Variants in PLCG2 observed in about 807,000 individuals in gnomAD.
PLCG2 encodes the protein phospholipase C gamma 2, also known as 1-phosphatidylinositol 4,5-bisphosphate phosphodiesterase gamma-2.
PLCG2 carries 69 observed loss-of-function variants against 175.6 expected under a neutral mutation model. That is an observed-to-expected ratio of 0.39 (90% CI 0.32 to 0.48). The LOEUF is 0.48. Ranked by LOEUF, PLCG2 falls within the 20% of genes least tolerant of loss-of-function variation. PLCG2 has a pLI of 0.91. For missense variants in PLCG2, 1,798 were observed against 1,650.9 expected (o/e 1.09, Z -1.54); for synonymous variants, 827 against 624.0 (o/e 1.33, Z -4.85).
At chr16:81,929,904 A>G (rs751102928) in intron 24 of PLCG2, among the ~76,000 whole-genome samples, 9 of 152,222 alleles carry the variant, frequency 5.9e-5, no homozygotes, top group African/African-American at 1.2e-4. Context: ...CCATCCCTGT[A>G]TCTGCAGAGC....
chr16:81,824,511 G>C (rs1360436477), intron 2 of PLCG2, among the ~76,000 whole-genome samples: 1 of 152,234 alleles, frequency 6.6e-6, no homozygotes, highest in Non-Finnish European at 1.5e-5. Flanking sequence ...TCCAGCTTTT[G>C]TGGAGCCAGG....
At chr16:81,859,334 C>G (rs1162441574) in intron 5 of PLCG2, 171 bp downstream of exon 5, 1 of 563,640 alleles carries the variant, frequency 1.8e-6, no homozygotes. Context: ...CAAAATCCTC[C>G]TCCTGGAGGG....
At chr16:81,753,115 G>C (rs912914277) in intron 1 of PLCG2, among the ~76,000 whole-genome samples, 6 of 152,312 alleles carry the variant, frequency 3.9e-5, no homozygotes, top group Admixed American at 2.0e-4. Flanking sequence ...GCCAGTGGCA[G>C]CTCAGCTCTG....
At chr16:81,941,054 T>TA (rs762443810) in intron 30 of PLCG2, among the ~76,000 whole-genome samples, 1 of 152,190 alleles carries the variant, frequency 6.6e-6, no homozygotes, top group Admixed American at 6.5e-5. Flanking sequence ...GTTACTTACA[T>TA]AAAAAAATAC....
At chr16:81,816,204 C>G (rs576782741) in intron 2 of PLCG2, among the ~76,000 whole-genome samples, 4 of 152,184 alleles carry the variant, frequency 2.6e-5, no homozygotes, top group East Asian at 1.9e-4. Context: ...AACTCTGCCT[C>G]TACTAAAAAT....
intron 3 of PLCG2, among the ~76,000 whole-genome samples, chr16:81,855,643 A>T (rs1284149922): frequency 6.6e-6 from 1 of 152,178 alleles, no homozygotes; most frequent in African/African-American, 2.4e-5. Context: ...GGGGAGACAG[A>T]TGTGTGTACT....
At chr16:81,765,676 G>T (rs544202150) in intron 2 of PLCG2, among the ~76,000 whole-genome samples, 2 of 50,656 alleles carry the variant, frequency 3.9e-5, no homozygotes, top group African/African-American at 8.2e-5. Context: ...TTTTGACCCC[G>T]GGGTCTCAGA....
chr16:81,863,605 A>G (rs1258340503), intron 5 of PLCG2, among the ~76,000 whole-genome samples: 1 of 152,164 alleles, frequency 6.6e-6, no homozygotes, highest in Non-Finnish European at 1.5e-5. Context: ...TGCTGTGTAT[A>G]TATCCAGAAG....
chr16:81,814,586 T>A (rs566861844), intron 2 of PLCG2, among the ~76,000 whole-genome samples: 1 of 152,140 alleles, frequency 6.6e-6, no homozygotes, highest in African/African-American at 2.4e-5. Context: ...TCCTAGCTAC[T>A]CGGGAGGCTG....
chr16:81,779,461 C>A (rs1910630035), intron 1 of PLCG2, 37 bp downstream of exon 1: 1 of 151,518 alleles, frequency 6.6e-6, no homozygotes, highest in Non-Finnish European at 1.5e-5. Context: ...AGGCAGGGCG[C>A]CCAGGGACCT....
intron 2 of PLCG2, among the ~76,000 whole-genome samples, chr16:81,810,595 G>C (rs1221032343): frequency 6.6e-6 from 1 of 151,254 alleles, no homozygotes; most frequent in Non-Finnish European, 1.5e-5. Context: ...TTTGCAAACA[G>C]GTGTCCTTTC....
intron 3 of PLCG2, among the ~76,000 whole-genome samples, chr16:81,855,117 C>G (rs573290747): frequency 4.8e-5 from 7 of 145,586 alleles, no homozygotes; most frequent in Non-Finnish European, 1.0e-4. Flanking sequence ...GGCTGAGGCA[C>G]AAGAATTGCT....
chr16:81,860,512 C>A (rs1045260176), intron 5 of PLCG2, among the ~76,000 whole-genome samples: 7 of 152,106 alleles, frequency 4.6e-5, no homozygotes, highest in African/African-American at 1.7e-4. Flanking sequence ...AGAGGGCACC[C>A]TTTCCTGATG....
chr16:81,893,443 A>G (rs922946317), intron 11 of PLCG2, among the ~76,000 whole-genome samples: 1 of 152,176 alleles, frequency 6.6e-6, no homozygotes, highest in Non-Finnish European at 1.5e-5. Flanking sequence ...TCCTCAAAAG[A>G]ACACGTCCTC....
chr16:81,862,792 G>C (rs1307435608), intron 5 of PLCG2, among the ~76,000 whole-genome samples: 1 of 152,032 alleles, frequency 6.6e-6, no homozygotes, highest in Non-Finnish European at 1.5e-5. Flanking sequence ...GATCATCTGA[G>C]CCCAGGGAGG....
chr16:81,804,459 G>T (rs1911900511), intron 2 of PLCG2, among the ~76,000 whole-genome samples: 1 of 152,232 alleles, frequency 6.6e-6, no homozygotes, highest in African/African-American at 2.4e-5. Context: ...CTCTGGATAT[G>T]TTAGCTTGCA....
intron 31 of PLCG2, among the ~76,000 whole-genome samples, chr16:81,951,358 A>C (rs1337147311): frequency 2.0e-5 from 3 of 152,242 alleles, no homozygotes; most frequent in Admixed American, 2.0e-4. Context: ...TGAACCCCAA[A>C]TAATAAACTA....
At position 81,805,767 on chromosome 16, in the gene PLCG2, G is replaced by GTTTTGT. The variant is rs1555508066; in HGVS notation, c.193+19589_193+19590insGTTTTT. Among the ~76,000 whole-genome samples, 23 of 39,522 alleles carry GTTTTGT rather than the reference G, an allele frequency of 5.8e-4. 2 individuals are homozygous for GTTTTGT. Among genetic ancestry groups the GTTTTGT allele is most frequent in the African/African-American group, 9.8e-4 (8 of 8,178 alleles). 25.9% of individuals were successfully genotyped at this position (39,522 alleles called of 152,430 possible). On this transcript the variant is annotated intron_variant, in intron 2 of 32. Transcript: ENST00000564138. ...AGCCATGAGAGTAGTGTTTTGTTTTGTTTTTTTTTTTTTTTGTTTTTTTTT... is the reference window on the plus strand; with the variant it reads ...AGCCATGAGAGTAGTGTTTTGTTTTGTTTTGTTTTTTTTTTTTTTTTGTTTTTTTTT...
In PLCG2 at chr16:81,802,093, C is replaced by CTTTTTTTTTTTTTTTTTTTTTTTTT. The variant is rs1157731599; in HGVS notation, c.193+15925_193+15949dup. 2.2e-4 allele frequency among the ~76,000 whole-genome samples: 9 copies of CTTTTTTTTTTTTTTTTTTTTTTTTT among 40,016 alleles called. 3 individuals are homozygous for CTTTTTTTTTTTTTTTTTTTTTTTTT. The highest frequency in any genetic ancestry group is 3.1e-4 in the Non-Finnish European group (7 of 22,662). 26.3% of individuals were successfully genotyped at this position (40,016 alleles called of 152,430 possible). A position where few individuals can be genotyped will look rare whatever the true frequency, so the allele number is the denominator to read the frequency against. On this transcript the variant is annotated intron_variant, in intron 2 of 32. Coordinates refer to ENST00000564138, the MANE Select transcript of PLCG2 (RefSeq NM_002661.5). Reference sequence around the variant, plus strand: ...GTTAGCTCCTTCAGGTGAGTACAGTCTTTTTTTTTTTTTTTTTTTTTTTTT... The same window carrying CTTTTTTTTTTTTTTTTTTTTTTTTT: ...GTTAGCTCCTTCAGGTGAGTACAGTCTTTTTTTTTTTTTTTTTTTTTTTTTTTTTTTTTTTTTTTTTTTTTTTTTT...
Sources: gnomAD v4.1 joint callset for allele counts (sites outside exome capture counted in the v4.1 genomes callset) on GRCh38, gnomAD v4.1.1 for gene constraint, MANE v1.5 for transcripts, NCBI Gene and HGNC (gene_info 2026-07-23, HGNC 2026-07-21) for gene names.